ATXN1: variants seen among roughly 807,000 people sequenced by gnomAD.
The protein encoded by ATXN1 is ataxin-1.
A neutral mutation model predicts 56.4 loss-of-function variants in ATXN1; 8 were observed. The observed-to-expected ratio is 0.14, with a 90% confidence interval of 0.08 to 0.26. The LOEUF (loss-of-function observed/expected upper bound fraction) is 0.26, where lower values mean the gene tolerates loss of function less well. ATXN1 is among the 10% of genes least tolerant of loss of function. The probability of loss-of-function intolerance (pLI) is 1.00; values close to 1 mark genes in which losing one functional copy is unlikely to be tolerated. For synonymous variants in ATXN1, 514 were observed against 494.6 expected, an observed-to-expected ratio of 1.04 and a Z score of -0.52; for missense variants, 987 against 1,106.5, an observed-to-expected ratio of 0.89 and a Z score of 1.53.
At chr6:16,577,794 T>C (rs1005108381) in intron 4 of ATXN1, among the ~76,000 whole-genome samples, 5 of 152,182 alleles carry the variant, frequency 3.3e-5, no homozygotes, top group African/African-American at 7.2e-5. Context: ...CCATAAGAAA[T>C]TGCAGAGTTA....
At chr6:16,529,681 T>C (rs1418609403) in intron 4 of ATXN1, among the ~76,000 whole-genome samples, 1 of 152,038 alleles carries the variant, frequency 6.6e-6, no homozygotes, top group East Asian at 1.9e-4. Flanking sequence ...TACATATTAT[T>C]ATGTGTTTCT....
At chr6:16,759,225 A>T (rs1375141826) in intron 1 of ATXN1, among the ~76,000 whole-genome samples, 5 of 152,384 alleles carry the variant, frequency 3.3e-5, no homozygotes, top group Middle Eastern at 3.4e-3. Flanking sequence ...CACAAATGTC[A>T]TTGAGATGTG....
At chr6:16,507,215 C>T (rs1420708319) in intron 5 of ATXN1, among the ~76,000 whole-genome samples, 1 of 152,156 alleles carries the variant, frequency 6.6e-6, no homozygotes, top group Non-Finnish European at 1.5e-5. Context: ...GTTATTCCTA[C>T]CCTTGTCAGC....
Position 16,367,358 on chromosome 6 carries a change from T to A in ATXN1, c.-160-38888A>T, listed in dbSNP as rs1451320688. 9.3e-4 allele frequency among the ~76,000 whole-genome samples: 110 copies of A among 118,318 alleles called. 1 individual carries two copies. Among genetic ancestry groups the A allele is most frequent in the Middle Eastern group, 4.0e-3 (1 of 248 alleles). 77.6% of individuals were successfully genotyped at this position (118,318 alleles called of 152,430 possible). ...TTCTCTCTCTCTCTCTCTCTCTCTC[T>A]CTCTCACACACACACACACACACAC... On this transcript the variant is annotated intron_variant, in intron 6 of 7. Transcript: ENST00000436367.
intron 2 of ATXN1, among the ~76,000 whole-genome samples, chr6:16,659,573 T>C (rs1021878565): frequency 2.0e-5 from 3 of 152,372 alleles, no homozygotes; most frequent in Admixed American, 1.3e-4. Context: ...CAAAGGAACC[T>C]GCTGACCCAG....
intron 4 of ATXN1, among the ~76,000 whole-genome samples, chr6:16,570,221 T>C (rs1762307949): frequency 6.6e-6 from 1 of 152,244 alleles, no homozygotes; most frequent in African/African-American, 2.4e-5. Flanking sequence ...TGAGATTTTA[T>C]AATACTTCAA....
chr6:16,362,734 A>G (rs179969), intron 6 of ATXN1, among the ~76,000 whole-genome samples: 121,775 of 152,118 alleles, frequency 0.8, 49,144 homozygotes, highest in East Asian at 1. Flanking sequence ...TTGTACTGTA[A>G]AAGGTTCTCT....
At chr6:16,720,741 C>T (rs1449637561) in intron 2 of ATXN1, among the ~76,000 whole-genome samples, 1 of 152,184 alleles carries the variant, frequency 6.6e-6, no homozygotes, top group Admixed American at 6.5e-5. Flanking sequence ...GGCCTAAATC[C>T]TTTTCCTACC....
At chr6:16,610,547 A>G (rs1222476816) in intron 3 of ATXN1, among the ~76,000 whole-genome samples, 2 of 152,096 alleles carry the variant, frequency 1.3e-5, no homozygotes, top group African/African-American at 4.8e-5. Flanking sequence ...CAAAAATTCC[A>G]AACTAACCAA....
At chr6:16,733,675 C>A (rs942353506) in intron 2 of ATXN1, among the ~76,000 whole-genome samples, 2 of 152,014 alleles carry the variant, frequency 1.3e-5, no homozygotes, top group African/African-American at 4.8e-5. Flanking sequence ...TGGAGAAACC[C>A]CATCTTGACT....
chr6:16,345,349 A>G (rs562757567), intron 6 of ATXN1, among the ~76,000 whole-genome samples: 6 of 152,336 alleles, frequency 3.9e-5, no homozygotes, highest in African/African-American at 1.4e-4. Flanking sequence ...ATTCATATCC[A>G]ATTATCCAAA....
At chr6:16,367,185 A>G (rs979810293) in intron 6 of ATXN1, among the ~76,000 whole-genome samples, 6 of 152,158 alleles carry the variant, frequency 3.9e-5, no homozygotes, top group Non-Finnish European at 5.9e-5. Context: ...CACATTTGCC[A>G]GTTGCTATTA....
Position 16,299,741 on chromosome 6 carries a change from C to CAAAT in ATXN1, c.*6584_*6587dup, listed in dbSNP as rs1211828577. 2 of 152,656 alleles carry CAAAT rather than the reference C, an allele frequency of 1.3e-5. No homozygotes were observed. The highest frequency in any genetic ancestry group is 2.9e-5 in the Non-Finnish European group (2 of 68,044). The allele number at this position is 152,656 out of a possible 1,614,324, so 9.5% of individuals were successfully genotyped here. On this transcript the variant is annotated 3_prime_UTR_variant, in exon 8 of 8. Transcript: ENST00000436367. ...AGACTGTCTAATCTGAAGGTCACCA[C>CAAAT]AAATACTGACAGGACTATCTTGAAA...
At chr6:16,412,193 CCTT>C (rs758917578) in intron 6 of ATXN1, among the ~76,000 whole-genome samples, 1 of 152,136 alleles carries the variant, frequency 6.6e-6, no homozygotes, top group Non-Finnish European at 1.5e-5. Context: ...TTTCTAAAAG[CCTT>C]CTTCTTTGTT....
At chr6:16,730,482 AGTAT>A (rs766987927) in intron 2 of ATXN1, among the ~76,000 whole-genome samples, 1 of 84,980 alleles carries the variant, frequency 1.2e-5, no homozygotes. Context: ...AGGGTAAAAC[AGTAT>A]GTATATATAT....
chr6:16,702,791 A>G (rs1304791511), intron 2 of ATXN1, among the ~76,000 whole-genome samples: 1 of 152,246 alleles, frequency 6.6e-6, no homozygotes, highest in Non-Finnish European at 1.5e-5. Flanking sequence ...ATACCATCTC[A>G]CACCAGTTAG....
Position 16,760,256 on chromosome 6 carries a change from C to T in ATXN1, c.-730+1042G>A, listed in dbSNP as rs594590. Among the ~76,000 whole-genome samples, 6 of 152,026 alleles carry T rather than the reference C, an allele frequency of 3.9e-5. No homozygotes were observed. The South Asian group carries it at 1.2e-3, about 31-fold the overall frequency. On this transcript the variant is annotated intron_variant, in intron 1 of 7. Coordinates refer to ENST00000436367, the MANE Select transcript of ATXN1 (RefSeq NM_001128164.2). This position sits in a 1 kb window ranked among gnomAD's most constrained non-coding sequence, Gnocchi z 5.3. ...TCCTCCGCGGCGGCCGCCGCCTCCT[C>T]CTCCTTCCCCTCCTCCTGGCTTCAT...
intron 4 of ATXN1, among the ~76,000 whole-genome samples, chr6:16,550,461 C>A (rs563974402): frequency 2.4e-4 from 36 of 152,332 alleles, no homozygotes; most frequent in African/African-American, 8.4e-4. Context: ...ACATTTTGAT[C>A]TATTTCTACA....
chr6:16,358,936 C>G (rs1158207233), intron 6 of ATXN1, among the ~76,000 whole-genome samples: 1 of 152,200 alleles, frequency 6.6e-6, no homozygotes, highest in South Asian at 2.1e-4. Flanking sequence ...AGCCCTGCCC[C>G]TTCCGAGTTG....
Sources: allele counts gnomAD v4.1 joint callset (sites outside exome capture counted in the v4.1 genomes callset), GRCh38; gene constraint gnomAD v4.1.1; non-coding constraint Gnocchi (gnomAD v3.1); transcripts MANE v1.5; gene names NCBI Gene and HGNC (gene_info 2026-07-23, HGNC 2026-07-21).